Variants in LRRC4C observed in about 807,000 individuals in gnomAD.
The protein encoded by LRRC4C is leucine-rich repeat-containing protein 4C.
In LRRC4C, 5 loss-of-function variants were observed where a neutral mutation model predicts 33.6. That is an observed-to-expected ratio of 0.15 (90% CI 0.08 to 0.31). The LOEUF is 0.31. LRRC4C is among the 10% of genes least tolerant of loss of function. LRRC4C has a pLI of 1.00. For missense variants in LRRC4C, 560 were observed against 796.7 expected (o/e 0.70, Z 3.58); for synonymous variants, 329 against 302.0 (o/e 1.09, Z -0.93).
chr11:40,522,739 C>T (rs915795742), intron 3 of LRRC4C, among the ~76,000 whole-genome samples: 2 of 152,168 alleles, frequency 1.3e-5, no homozygotes, highest in African/African-American at 4.8e-5. Flanking sequence ...TACCACCATT[C>T]TGTTTTCTGT....
At chr11:40,283,354 G>A (rs1246129418) in intron 4 of LRRC4C, among the ~76,000 whole-genome samples, 2 of 151,868 alleles carry the variant, frequency 1.3e-5, no homozygotes, top group African/African-American at 4.8e-5. Context: ...AAAATCATTT[G>A]ATTTAAATGT....
intron 3 of LRRC4C, among the ~76,000 whole-genome samples, chr11:40,473,648 A>C (rs1953057685): frequency 6.6e-6 from 1 of 152,164 alleles, no homozygotes; most frequent in Admixed American, 6.5e-5. Flanking sequence ...AAATAGGAAG[A>C]GGGGAAATCA....
intron 4 of LRRC4C, among the ~76,000 whole-genome samples, chr11:40,281,555 A>C (rs1198210922): frequency 6.6e-6 from 1 of 152,112 alleles, no homozygotes; most frequent in Admixed American, 6.6e-5. Context: ...CTACATTTTC[A>C]AGTGTCATGC....
At chr11:40,189,546 T>C (rs547832770) in intron 5 of LRRC4C, among the ~76,000 whole-genome samples, 242 of 152,294 alleles carry the variant, frequency 1.6e-3, no homozygotes, top group Non-Finnish European at 2.5e-3. Context: ...AGTGAGGTGA[T>C]AGAAACATAA....
At chr11:40,456,703 T>C (rs998825430) in intron 3 of LRRC4C, among the ~76,000 whole-genome samples, 6 of 152,050 alleles carry the variant, frequency 3.9e-5, no homozygotes, top group African/African-American at 7.2e-5. Context: ...TTCAAATCTG[T>C]ACCCAGGCTT....
intron 1 of LRRC4C, among the ~76,000 whole-genome samples, chr11:40,946,735 T>C (rs1310212095): frequency 1.3e-5 from 2 of 152,152 alleles, no homozygotes; most frequent in Non-Finnish European, 2.9e-5. Context: ...AAAGAAATTA[T>C]GGACTTACAT....
chr11:41,113,135 AG>A (rs1451386060), intron 1 of LRRC4C, among the ~76,000 whole-genome samples: 1 of 152,062 alleles, frequency 6.6e-6, no homozygotes, highest in Non-Finnish European at 1.5e-5. Flanking sequence ...AGACATAGAG[AG>A]GAAGGAGACA....
intron 1 of LRRC4C, among the ~76,000 whole-genome samples, chr11:41,203,535 C>A (rs780668207): frequency 6.6e-6 from 1 of 152,086 alleles, no homozygotes; most frequent in Admixed American, 6.6e-5. Context: ...TCCCTGCATC[C>A]CACATTCTAA....
chr11:40,168,827 T>C (rs978674884), intron 5 of LRRC4C, among the ~76,000 whole-genome samples: 4 of 152,198 alleles, frequency 2.6e-5, no homozygotes. Flanking sequence ...AATCATATCT[T>C]TTAAATCTAT....
At chr11:40,356,035 G>C (rs934512532) in intron 3 of LRRC4C, among the ~76,000 whole-genome samples, 2 of 150,694 alleles carry the variant, frequency 1.3e-5, no homozygotes, top group Non-Finnish European at 3.0e-5. Flanking sequence ...AGACTCAATG[G>C]GTGTGTTTCT....
chr11:41,212,279 C>T (rs1330999723), intron 1 of LRRC4C, among the ~76,000 whole-genome samples: 2 of 152,156 alleles, frequency 1.3e-5, no homozygotes, highest in Non-Finnish European at 2.9e-5. Flanking sequence ...GTAAAGATAG[C>T]TACTGTGTTA....
At chr11:40,866,405 T>C (rs1312643020) in intron 2 of LRRC4C, among the ~76,000 whole-genome samples, 2 of 152,164 alleles carry the variant, frequency 1.3e-5, no homozygotes, top group African/African-American at 4.8e-5. Context: ...TTGCAAAGTT[T>C]CATGAAAATC....
At chr11:40,798,654 T>C (rs1218016684) in intron 2 of LRRC4C, among the ~76,000 whole-genome samples, 1 of 150,982 alleles carries the variant, frequency 6.6e-6, no homozygotes, top group Non-Finnish European at 1.5e-5. Flanking sequence ...TCTTTTTTTT[T>C]TTTTTTGAGA....
chr11:41,139,385 T>C (rs1943406304), intron 1 of LRRC4C, among the ~76,000 whole-genome samples: 1 of 152,218 alleles, frequency 6.6e-6, no homozygotes, highest in African/African-American at 2.4e-5. Context: ...GATAATATTT[T>C]AGAATCTTCT....
intron 1 of LRRC4C, among the ~76,000 whole-genome samples, chr11:40,962,319 G>T (rs1215312230): frequency 6.6e-6 from 1 of 151,560 alleles, no homozygotes; most frequent in Non-Finnish European, 1.5e-5. Context: ...AGGAAAGCAG[G>T]CCTGCTCACA....
At chr11:40,732,574 A>G (rs1209032308) in intron 2 of LRRC4C, among the ~76,000 whole-genome samples, 3 of 152,334 alleles carry the variant, frequency 2.0e-5, no homozygotes, top group South Asian at 2.1e-4. Context: ...TAGAAGAAAG[A>G]GATCACACAT....
At chr11:40,429,590 A>T (rs1950842754) in intron 3 of LRRC4C, among the ~76,000 whole-genome samples, 1 of 151,964 alleles carries the variant, frequency 6.6e-6, no homozygotes, top group Non-Finnish European at 1.5e-5. Flanking sequence ...AAAACAAAAC[A>T]TGTAAGGGTA....
chr11:40,789,093 G>GGA (rs1418370704), intron 2 of LRRC4C, among the ~76,000 whole-genome samples: 7 of 63,524 alleles, frequency 1.1e-4, no homozygotes, highest in Non-Finnish European at 1.4e-4. Context: ...TCCGTCTCGG[G>GGA]AAAAAAAAAA....
chr11:41,438,776 C>T (rs915882426), intron 1 of LRRC4C, among the ~76,000 whole-genome samples: 1 of 152,158 alleles, frequency 6.6e-6, no homozygotes, highest in Admixed American at 6.5e-5. Flanking sequence ...ATTATTTCTT[C>T]ATTCATTCAT....
Sources: allele counts gnomAD v4.1 joint callset (sites outside exome capture counted in the v4.1 genomes callset), GRCh38; gene constraint gnomAD v4.1.1; transcripts MANE v1.5; gene names NCBI Gene and HGNC (gene_info 2026-07-23, HGNC 2026-07-21).